RAB11A: variants seen among roughly 807,000 people sequenced by gnomAD.
RAB11A encodes RAB11A, member RAS oncogene family.
RAB11A carries 9 observed loss-of-function variants against 28.0 expected under a neutral mutation model. The observed-to-expected ratio is 0.32, with a 90% CI of 0.19 to 0.56. The LOEUF is 0.56. RAB11A is among the 20% of genes least tolerant of loss of function. The pLI, the probability that RAB11A is intolerant of heterozygous loss-of-function variation, is 0.91. For missense variants in RAB11A, 108 were observed against 269.6 expected (o/e 0.40, Z 4.20); for synonymous variants, 85 against 88.2 (o/e 0.96, Z 0.20).
At position 65,891,650 on chromosome 15, in the gene RAB11A, CAA is replaced by C. The variant is rs2078297532; in HGVS notation, c.*3811_*3812del. On this transcript the variant is annotated 3_prime_UTR_variant, in exon 5 of 5. Transcript: ENST00000261890. The stretch of plus-strand genomic sequence containing the variant: ...AAGCCAAATTATTAACATTTTAACT[CAA>C]GTTTAAATTTAATAGAGAAGTCAAA... 1 of 152,158 alleles carries C rather than the reference CAA, an allele frequency of 6.6e-6. No homozygotes were observed. The highest frequency in any genetic ancestry group is 1.5e-5 in the Non-Finnish European group (1 of 68,018). The allele number at this position is 152,158 out of a possible 1,614,324, so 9.4% of individuals were successfully genotyped here. A position where few individuals can be genotyped will look rare whatever the true frequency, so the allele number is the denominator to read the frequency against.
chr15:65,869,780 CT>C (rs2078146678), intron 1 of RAB11A, among the ~76,000 whole-genome samples, 155 bp downstream of exon 1: 1 of 152,186 alleles, frequency 6.6e-6, no homozygotes, highest in Non-Finnish European at 1.5e-5. Flanking sequence ...TCAGCCTCTT[CT>C]CCCCCGCTCA....
chr15:65,878,168 T>C (rs1332558187), intron 3 of RAB11A: 21 of 619,510 alleles, frequency 3.4e-5, no homozygotes, highest in Non-Finnish European at 4.4e-5. Context: ...ATAAACATTG[T>C]ATATTCTGTC....
At chr15:65,885,130 A>G (rs2078248157) in intron 4 of RAB11A, among the ~76,000 whole-genome samples, 1 of 144,510 alleles carries the variant, frequency 6.9e-6, no homozygotes, top group East Asian at 2.2e-4. Flanking sequence ...TAACATTTAT[A>G]CAGTTTTTTT....
chr15:65,882,075 A>G (rs545149017), intron 4 of RAB11A, among the ~76,000 whole-genome samples: 2 of 152,246 alleles, frequency 1.3e-5, no homozygotes, highest in South Asian at 2.1e-4. Flanking sequence ...AGATGAACAT[A>G]TAGTTGCTTT....
In RAB11A at chr15:65,888,221, A is replaced by G. The variant is rs2078266255; in HGVS notation, c.*381A>G. ...CTTAGAAATAAGCTACCATTTTGCC[A>G]CAGAGCAGCTTATAGGTAATACACT... On this transcript the variant is annotated 3_prime_UTR_variant, in exon 5 of 5. Transcript: ENST00000261890. 1 of 161,570 alleles carries G rather than the reference A, an allele frequency of 6.2e-6. No individual in the cohort carries two copies. Among genetic ancestry groups the G allele is most frequent in the Non-Finnish European group, 1.3e-5 (1 of 74,412 alleles). The allele number at this position is 161,570 out of a possible 1,614,324, so 10.0% of individuals were successfully genotyped here.
intron 1 of RAB11A, among the ~76,000 whole-genome samples, chr15:65,874,109 G>A (rs2078178460): frequency 6.6e-6 from 1 of 152,106 alleles, no homozygotes; most frequent in Admixed American, 6.5e-5. Flanking sequence ...GGTTGAAGAG[G>A]CAGAAATTTT....
chr15:65,885,975 A>C (rs894064357), intron 4 of RAB11A, among the ~76,000 whole-genome samples: 1 of 152,250 alleles, frequency 6.6e-6, no homozygotes, highest in Non-Finnish European at 1.5e-5. Flanking sequence ...TTGGTACATT[A>C]TCTCGTGAAA....
At position 65,888,795 on chromosome 15, in the gene RAB11A, A is replaced by C. The variant is rs2078269396; in HGVS notation, c.*955A>C. ...AGCAGGCATGGATAATTATTTTAAC[A>C]ATGCTAATATTTGAGTTTTGCAGTA... On this transcript the variant is annotated 3_prime_UTR_variant, in exon 5 of 5. Transcript: ENST00000261890. 1 of 152,560 alleles carries C rather than the reference A, an allele frequency of 6.6e-6. No homozygotes were observed. The highest frequency in any genetic ancestry group is 1.5e-5 in the Non-Finnish European group (1 of 68,050). The allele number at this position is 152,560 out of a possible 1,614,324, so 9.5% of individuals were successfully genotyped here. A position where few individuals can be genotyped will look rare whatever the true frequency, so the allele number is the denominator to read the frequency against.
At chr15:65,884,963 GTT>G (rs78411004) in intron 4 of RAB11A, among the ~76,000 whole-genome samples, 5 of 133,774 alleles carry the variant, frequency 3.7e-5, no homozygotes, top group Non-Finnish European at 3.3e-5. Context: ...CGCCCCCACC[GTT>G]TTTTTTTTTT....
chr15:65,889,940 A>G lies in RAB11A; in HGVS notation c.*2100A>G, dbSNP rs2078278790. The G allele has an allele frequency of 6.6e-6, 1 of 152,200 alleles. No homozygotes were observed. 9.4% of individuals were successfully genotyped at this position (152,200 alleles called of 1,614,324 possible). On this transcript the variant is annotated 3_prime_UTR_variant, in exon 5 of 5. Coordinates refer to ENST00000261890, the MANE Select transcript of RAB11A (RefSeq NM_004663.5). ...TCTTTATTCTGAGTAGTATCTTAGG[A>G]GACAAACTGTCTCAAGCAAGAAACA...
chr15:65,872,126 T>TG (rs2078165759), intron 1 of RAB11A, among the ~76,000 whole-genome samples: 1 of 151,732 alleles, frequency 6.6e-6, no homozygotes, highest in African/African-American at 2.4e-5. Flanking sequence ...GCTAGTTTTT[T>TG]GTTTTTTTGT....
intron 4 of RAB11A, among the ~76,000 whole-genome samples, chr15:65,884,870 G>A (rs2078245656): frequency 6.6e-6 from 1 of 151,022 alleles, no homozygotes; most frequent in Non-Finnish European, 1.5e-5. Flanking sequence ...GGGGTGGGGG[G>A]GTATGCTAAA....
chr15:65,876,788 G>A (rs1478761847), intron 1 of RAB11A, among the ~76,000 whole-genome samples: 1 of 152,120 alleles, frequency 6.6e-6, no homozygotes, highest in Non-Finnish European at 1.5e-5. Context: ...TGCCTCATAT[G>A]TTAAATGTTT....
intron 3 of RAB11A, chr15:65,878,182 TTTTCTG>T: frequency 1.7e-6 from 1 of 587,668 alleles, no homozygotes; most frequent in South Asian, 1.9e-5. Flanking sequence ...TTCTGTCTCT[TTTTCTG>T]TTATGTTTCT....
In RAB11A at chr15:65,880,152, T is replaced by A. The variant is rs2078213756; in HGVS notation, c.511+401T>A. On this transcript the variant is annotated intron_variant, in intron 4 of 4. Coordinates refer to ENST00000261890, the MANE Select transcript of RAB11A (RefSeq NM_004663.5). ...CTAGGGAAAAAACATTTTTAAAAATTATAGCGACAAAATAAAATTCTCCCA... is the reference window on the plus strand; with the variant it reads ...CTAGGGAAAAAACATTTTTAAAAATAATAGCGACAAAATAAAATTCTCCCA... Among the ~76,000 whole-genome samples the A allele has an allele frequency of 2.6e-5, 4 of 152,328 alleles. No individual in the cohort carries two copies. The South Asian group carries it at 8.3e-4, about 32-fold the overall frequency.
At chr15:65,871,355 C>A (rs1313459997) in intron 1 of RAB11A, among the ~76,000 whole-genome samples, 1 of 152,108 alleles carries the variant, frequency 6.6e-6, no homozygotes, top group Non-Finnish European at 1.5e-5. Context: ...AAACTGAGGC[C>A]TGGATTACAA....
intron 1 of RAB11A, among the ~76,000 whole-genome samples, chr15:65,876,663 A>G (rs1191752410): frequency 2.0e-5 from 3 of 152,170 alleles, no homozygotes; most frequent in Non-Finnish European, 4.4e-5. Flanking sequence ...GTTTATCTGT[A>G]GTGGCTTGGG....
At position 65,876,567 on chromosome 15, in the gene RAB11A, G is replaced by C. The variant is rs187242944; in HGVS notation, c.41-765G>C. ...CCACCTTGGCCTTCCAAAATGCTGG[G>C]ATTACAGGTGTGAGCCACCACACCC... On this transcript the variant is annotated intron_variant, in intron 1 of 4. Transcript: ENST00000261890. Among the ~76,000 whole-genome samples the C allele has an allele frequency of 7.4e-4, 112 of 152,280 alleles. 1 individual carries two copies. The Middle Eastern group carries it at 0.014, about 18-fold the overall frequency.
rs77733068 is a variant in RAB11A, at chr15:65,886,906, A to G, written c.512-795A>G. Among the ~76,000 whole-genome samples, 1,414 of 152,286 alleles carry G rather than the reference A, an allele frequency of 9.3e-3. 22 individuals are homozygous for G. The highest frequency in any genetic ancestry group is 0.057 in the South Asian group (273 of 4,818). ...TATTTTGTATCATTCTTTAATTACA[A>G]TTTAAGTTTTGTTCAGGAGGTCACT... On this transcript the variant is annotated intron_variant, in intron 4 of 4. Transcript: ENST00000261890.
Sources: gnomAD v4.1 joint callset for allele counts (sites outside exome capture counted in the v4.1 genomes callset) on GRCh38, gnomAD v4.1.1 for gene constraint, MANE v1.5 for transcripts, NCBI Gene and HGNC (gene_info 2026-07-23, HGNC 2026-07-21) for gene names.